The following NOBOX variants were observed in gnomAD, a reference collection of about 807,000 sequenced individuals.
NOBOX encodes the protein NOBOX oogenesis homeobox, also known as homeobox protein NOBOX.
Under a neutral mutation model 60.2 loss-of-function variants are expected in NOBOX, and 46 were observed. That is an observed-to-expected ratio of 0.76 (90% confidence interval 0.60 to 0.98). The LOEUF (loss-of-function observed/expected upper bound fraction) is 0.98, where lower values mean the gene tolerates loss of function less well. NOBOX is among the 50% of genes least tolerant of loss of function. The probability of loss-of-function intolerance (pLI) is 0.00; values close to 1 mark genes in which losing one functional copy is unlikely to be tolerated. For missense variants in NOBOX, 880 were observed against 865.5 expected (o/e 1.02, Z -0.21); for synonymous variants, 360 against 346.3 (o/e 1.04, Z -0.44).
In NOBOX at chr7:144,399,063, A is replaced by G. The variant is rs375571401; in HGVS notation, c.1356T>C (p.Asp452=). The G allele has an allele frequency of 6.8e-7, 1 of 1,479,470 alleles. No homozygotes were observed. Among genetic ancestry groups the G allele is most frequent in the African/African-American group, 1.4e-5 (1 of 70,300 alleles). 91.6% of individuals were successfully genotyped at this position (1,479,470 alleles called of 1,614,324 possible). A position where few individuals can be genotyped will look rare whatever the true frequency, so the allele number is the denominator to read the frequency against. ...GGACAGGGCCAAGGGGGAAAGGAAG[A>G]TCGGCCCTTCGCACAGGTGGGGGGC... Residue 452 remains aspartate (D), a synonymous_variant, in exon 8 of 10, where the codon GAT becomes GAC. Transcript: ENST00000467773.
chr7:144,402,030 G>T, intron 2 of NOBOX: 1 of 996,430 alleles, frequency 1.0e-6, no homozygotes, highest in Non-Finnish European at 1.6e-6. Flanking sequence ...TGTTTCTGCT[G>T]CACAACAGGC....
At chr7:144,406,738 T>G (rs1016312256) in intron 1 of NOBOX, among the ~76,000 whole-genome samples, 22 of 152,338 alleles carry the variant, frequency 1.4e-4, no homozygotes, top group South Asian at 4.1e-4. Context: ...TGGGAAGGTG[T>G]TGTGTTTTTG....
At chr7:144,400,574 G>A (rs1053192864) in intron 4 of NOBOX, among the ~76,000 whole-genome samples, 1 of 152,178 alleles carries the variant, frequency 6.6e-6, no homozygotes, top group African/African-American at 2.4e-5. Flanking sequence ...GTCTCACTCT[G>A]TTGCCCAGGC....
intron 8 of NOBOX, 141 bp from the exon 7 acceptor site, chr7:144,398,727 T>G (rs139714275): frequency 1.5e-6 from 1 of 669,656 alleles, no homozygotes; most frequent in African/African-American, 1.8e-5. Context: ...CAGCTGCCTC[T>G]TCTCCCCACT....
Position 144,400,129 on chromosome 7 carries a change from T to G in NOBOX, c.1028A>C (p.Glu343Ala). The G allele has an allele frequency of 6.2e-7, 1 of 1,613,340 alleles. No homozygotes were observed. Among genetic ancestry groups the G allele is most frequent in the Non-Finnish European group, 8.5e-7 (1 of 1,179,836 alleles). Residue 343 changes from glutamate (E) to alanine (A), a missense_variant, in exon 5 of 10, where the codon GAG becomes GCG. Transcript: ENST00000467773. ...TCCTACCCAGGCTACCGCTGAGCGC[T>G]CACTCTGCAATTCGAGTGTTTCAAT...
In NOBOX at chr7:144,401,945, T is replaced by C. The variant is rs756351108; in HGVS notation, c.216A>G (p.Gln72=). 2 of 1,611,618 alleles carry C rather than the reference T, an allele frequency of 1.2e-6. No homozygotes were observed. Among genetic ancestry groups the C allele is most frequent in the Non-Finnish European group, 1.7e-6 (2 of 1,177,920 alleles). Residue 72 remains glutamine, a synonymous_variant, in exon 3 of 10, where the codon CAA becomes CAG. Coordinates refer to ENST00000467773, the MANE Select transcript of NOBOX (RefSeq NM_001080413.3). This position sits in a 1 kb window ranked among gnomAD's most constrained non-coding sequence, Gnocchi z 4.2. ...GTTCAGGTATCTCTAAGGGATCATGTTGGGGCTGCGGATGGACCAGGAAGA... is the reference window on the plus strand; with the variant it reads ...GTTCAGGTATCTCTAAGGGATCATGCTGGGGCTGCGGATGGACCAGGAAGA...
At chr7:144,403,476 T>G (rs2053957975) in intron 2 of NOBOX, among the ~76,000 whole-genome samples, 181 bp downstream of exon 1, 1 of 151,034 alleles carries the variant, frequency 6.6e-6, no homozygotes, top group African/African-American at 2.4e-5. Flanking sequence ...GGGGTTGCAA[T>G]CCCAAAGCAC....
Position 144,401,039 on chromosome 7 carries a change from G to T in NOBOX, c.844+7C>A. ...ATCTCTTCGGTTTCCTCTCTTTAGG[G>T]ACTTACCTGAGCGGTATAGGGTTCG... On this transcript the variant is annotated splice_region_variant and intron_variant, in intron 4 of 9. Coordinates refer to ENST00000467773, the MANE Select transcript of NOBOX (RefSeq NM_001080413.3). This position sits in a 1 kb window ranked among gnomAD's most constrained non-coding sequence, Gnocchi z 4.2. The T allele has an allele frequency of 6.6e-7, 1 of 1,505,148 alleles. No homozygotes were observed. The highest frequency in any genetic ancestry group is 1.4e-5 in the South Asian group (1 of 69,758). The allele number at this position is 1,505,148 out of a possible 1,614,324, so 93.2% of individuals were successfully genotyped here.
rs1587096246 is a variant in NOBOX, at chr7:144,404,648, A to C, written c.118T>G (p.Cys40Gly). 1 of 1,613,810 alleles carries C rather than the reference A, an allele frequency of 6.2e-7. No homozygotes were observed. The highest frequency in any genetic ancestry group is 1.3e-5 in the African/African-American group (1 of 74,930). Residue 40 changes from cysteine (C) to glycine (G), a missense_variant, in exon 2 of 10, where the codon TGT becomes GGT. Physicochemically the swap from Cys to Gly is radical, Grantham distance 159 (BLOSUM62 -3). Transcript: ENST00000467773. ...ACTCCGTAGATCCGGTACAGTCCAC[A>C]CACAGGAAATTCAGGTACAGCCAGG...
chr7:144,401,133 G>C lies in NOBOX; in HGVS notation c.757C>G (p.Gln253Glu), dbSNP rs2053934709. The change falls in exon 4 of 10, where the codon CAG becomes GAG. Residue 253 changes from glutamine to glutamate, a missense_variant. Transcript: ENST00000467773. The surrounding 1 kb of genome is among the most constrained non-coding windows in gnomAD (Gnocchi z 4.2). ...TTGTGGTCTCTGTTTTGGTTGCTCT[G>C]CGCCAATGTACTGAGGAGATTGGCC... is the stretch of plus-strand genomic sequence containing the variant. The C allele has an allele frequency of 6.3e-7, 1 of 1,588,638 alleles. No individual in the cohort carries two copies. Among genetic ancestry groups the C allele is most frequent in the African/African-American group, 1.4e-5 (1 of 73,832 alleles).
intron 6 of NOBOX, 55 bp downstream of exon 4, chr7:144,399,702 G>C: frequency 6.9e-7 from 1 of 1,440,604 alleles, no homozygotes; most frequent in South Asian, 1.2e-5. Context: ...CAGGATCCCA[G>C]CTTGGACCCC....
chr7:144,405,295 T>A (rs754889015), intron 1 of NOBOX, among the ~76,000 whole-genome samples: 6 of 152,186 alleles, frequency 3.9e-5, no homozygotes, highest in Non-Finnish European at 7.4e-5. Flanking sequence ...TGTGGGGCAC[T>A]GACATTGCTT....
Position 144,399,767 on chromosome 7 carries a change from T to G in NOBOX, c.1144A>C (p.Ser382Arg). Residue 382 changes from serine to arginine, a missense_variant, in exon 6 of 10, where the codon AGT becomes CGT. Transcript: ENST00000467773. ...AGGAAGAATTCTGACCTGCATTGAC[T>G]GCTGGCAGGGCCAGGGGCTGCAGGA... The G allele has an allele frequency of 6.2e-7, 1 of 1,611,246 alleles. No homozygotes were observed. The highest frequency in any genetic ancestry group is 8.5e-7 in the Non-Finnish European group (1 of 1,178,426).
rs374879171 is a variant in NOBOX at position 144,398,358 on chromosome 7, G to T, written c.1698C>A (p.Ser566Arg). Residue 566 changes from serine to arginine, a missense_variant, in exon 9 of 10, where the codon AGC becomes AGA. By Grantham distance (110) the Ser-to-Arg change is moderately radical. Coordinates refer to ENST00000467773, the MANE Select transcript of NOBOX (RefSeq NM_001080413.3). ...GGCAATAGCCCTGCGATGTGCCCCC[G>T]CTGGGGCCACAGGGAAACATAAAGA... 9 of 1,537,028 alleles carry T rather than the reference G, an allele frequency of 5.9e-6. No homozygotes were observed. The African/African-American group carries it at 6.8e-5, about 12-fold the overall frequency.
chr7:144,399,784 G>T lies in NOBOX; in HGVS notation c.1127C>A (p.Ala376Asp), dbSNP rs775973206. The change falls in exon 6 of 10, where the codon GCC (alanine) becomes GAC (aspartate). Residue 376 changes from alanine (A) to aspartate (D), a missense_variant. Physicochemically the swap from Ala to Asp is moderately radical, Grantham distance 126. Coordinates refer to ENST00000467773, the MANE Select transcript of NOBOX (RefSeq NM_001080413.3). ...GCATTGACTGCTGGCAGGGCCAGGG[G>T]CTGCAGGATTGTCCTTGCTTTCTTT... The T allele has an allele frequency of 6.2e-7, 1 of 1,612,610 alleles. No individual in the cohort carries two copies. Among genetic ancestry groups the T allele is most frequent in the African/African-American group, 1.3e-5 (1 of 74,922 alleles).
rs929721336 is a variant in NOBOX at position 144,401,490 on chromosome 7, A to C, written c.400T>G (p.Ser134Ala). The C allele has an allele frequency of 1.3e-6, 2 of 1,542,134 alleles. No individual in the cohort carries two copies. The highest frequency in any genetic ancestry group is 1.7e-6 in the Non-Finnish European group (2 of 1,148,032). Reference sequence around the variant, plus strand: ...TTCTTCTCTCCTGAGATGGTGCAGGAGGGTGGCAGTTCCTCACTCTGAGTG... The same window carrying C: ...TTCTTCTCTCCTGAGATGGTGCAGGCGGGTGGCAGTTCCTCACTCTGAGTG... Residue 134 changes from serine (S) to alanine (A), a missense_variant, in exon 4 of 10, where the codon TCC becomes GCC. By Grantham distance (99) the Ser-to-Ala change is moderately conservative. Transcript: ENST00000467773. The surrounding 1 kb of genome is among the most constrained non-coding windows in gnomAD (Gnocchi z 4.2).
rs1167816651 is a variant in NOBOX at position 144,398,382 on chromosome 7, GA to G, written c.1673del (p.Leu558ProfsTer26). 3 of 1,537,118 alleles carry G rather than the reference GA, an allele frequency of 2.0e-6. No homozygotes were observed. The African/African-American group carries it at 4.1e-5, about 21-fold the overall frequency. On this transcript the variant is annotated frameshift_variant, in exon 9 of 10. Transcript: ENST00000467773. LOFTEE classifies it high-confidence loss of function. Reference sequence around the variant, plus strand: ...CGCTGGGGCCACAGGGAAACATAAAGAGAGAGTCTTCGGGCGGTGGAAGCGT... The same window carrying G: ...CGCTGGGGCCACAGGGAAACATAAAGGAGAGTCTTCGGGCGGTGGAAGCGT...
chr7:144,406,550 T>A (rs2053986925), intron 1 of NOBOX, among the ~76,000 whole-genome samples: 1 of 127,668 alleles, frequency 7.8e-6, no homozygotes, highest in African/African-American at 3.0e-5. Context: ...AGAGTGAGAC[T>A]CCGTCTCAAA....
In NOBOX at chr7:144,399,499, T is replaced by G; in HGVS notation, c.1155-17A>C. ...GCTGCAGAGCTGGAGGCAGGAAGAATGAAGACTGTAGCTTTGGTGGTCTCT... is the reference window on the plus strand; with the variant it reads ...GCTGCAGAGCTGGAGGCAGGAAGAAGGAAGACTGTAGCTTTGGTGGTCTCT... On this transcript the variant is annotated splice_polypyrimidine_tract_variant and intron_variant, in intron 6 of 9. Transcript: ENST00000467773. 1 of 1,558,142 alleles carries G rather than the reference T, an allele frequency of 6.4e-7. No individual in the cohort carries two copies. The highest frequency in any genetic ancestry group is 8.7e-7 in the Non-Finnish European group (1 of 1,148,724).
Sources: allele counts gnomAD v4.1 joint callset (sites outside exome capture counted in the v4.1 genomes callset), GRCh38; gene constraint gnomAD v4.1.1; non-coding constraint Gnocchi (gnomAD v3.1); transcripts MANE v1.5; gene names NCBI Gene and HGNC (gene_info 2026-07-23, HGNC 2026-07-21).